Variants in SV2C observed in about 807,000 individuals in gnomAD.
The protein encoded by SV2C is solute carrier family 22 member B3.
A neutral mutation model predicts 79.7 loss-of-function variants in SV2C; 49 were observed. That is an observed-to-expected ratio of 0.61 (90% confidence interval 0.49 to 0.78). The LOEUF (loss-of-function observed/expected upper bound fraction) is 0.78. SV2C is among the 30% of genes least tolerant of loss of function. The pLI is 0.00. For synonymous variants in SV2C, 334 were observed against 333.2 expected, an observed-to-expected ratio of 1.00 and a Z score of -0.03; for missense variants, 833 against 912.9, an observed-to-expected ratio of 0.91 and a Z score of 1.13.
intron 12 of SV2C, among the ~76,000 whole-genome samples, chr5:76,351,891 CT>C (rs1749649286): frequency 1.3e-5 from 2 of 152,230 alleles, no homozygotes; most frequent in Non-Finnish European, 2.9e-5. Flanking sequence ...AGGGATTGTA[CT>C]TTACAGAGGA....
At chr5:75,976,348 T>C in the SV2C span, among the ~76,000 whole-genome samples, 6 of 152,194 alleles carry the variant, frequency 3.9e-5, no homozygotes. Flanking sequence ...GGAGATCATT[T>C]ATGGAGTACA....
rs900945362 is a variant in SV2C at position 76,333,459 on chromosome 5, A to G, written c.*7912A>G. On this transcript the variant is annotated 3_prime_UTR_variant, in exon 13 of 13. Transcript: ENST00000502798. The stretch of plus-strand genomic sequence containing the variant: ...ATGCTAAACGTACTATCCACTGTCT[A>G]TTTTAATGAGATCTTGGCAATGGTC... 2.6e-5 allele frequency: 4 copies of G among 152,134 alleles called. No homozygotes were observed. The highest frequency in any genetic ancestry group is 7.2e-5 in the African/African-American group (3 of 41,422). The allele number at this position is 152,134 out of a possible 1,614,324, so 9.4% of individuals were successfully genotyped here.
At chr5:76,039,648 C>T in the SV2C span, among the ~76,000 whole-genome samples, 1 of 151,050 alleles carries the variant, frequency 6.6e-6, no homozygotes, top group East Asian at 1.9e-4. Context: ...CCCAGCTACT[C>T]GAGAGGCAGG....
chr5:75,898,259 T>C, the SV2C span, among the ~76,000 whole-genome samples: 1 of 152,220 alleles, frequency 6.6e-6, no homozygotes, highest in Non-Finnish European at 1.5e-5. Flanking sequence ...ATCTATTTTA[T>C]TGAGAGCTTT....
chr5:76,308,962 A>AGTT (rs1748310492), intron 12 of SV2C, among the ~76,000 whole-genome samples: 1 of 152,186 alleles, frequency 6.6e-6, no homozygotes, highest in South Asian at 2.1e-4. Flanking sequence ...AGCAAACTTC[A>AGTT]GTTGTAATAT....
the SV2C span, among the ~76,000 whole-genome samples, chr5:75,947,767 A>G: frequency 6.6e-6 from 1 of 152,036 alleles, no homozygotes; most frequent in South Asian, 2.1e-4. Context: ...CCCCTTATTA[A>G]CATTTCTTTG....
chr5:76,188,220 C>T (rs1332336356), intron 2 of SV2C, among the ~76,000 whole-genome samples: 1 of 152,026 alleles, frequency 6.6e-6, no homozygotes, highest in African/African-American at 2.4e-5. Context: ...GAGATCATGC[C>T]CCTGCACTCT....
chr5:76,231,192 G>T (rs1051348942), intron 4 of SV2C, among the ~76,000 whole-genome samples: 1 of 152,152 alleles, frequency 6.6e-6, no homozygotes, highest in Non-Finnish European at 1.5e-5. Context: ...TTACCATTCT[G>T]TGCAATAGAT....
intron 4 of SV2C, among the ~76,000 whole-genome samples, chr5:76,261,483 A>T (rs1746466401): frequency 6.6e-6 from 1 of 152,172 alleles, no homozygotes; most frequent in South Asian, 2.1e-4. Flanking sequence ...TTCTATGTTG[A>T]ATAGGAGCGG....
At chr5:75,895,582 C>A in the SV2C span, among the ~76,000 whole-genome samples, 666 of 152,166 alleles carry the variant, frequency 4.4e-3, 1 homozygote, top group Middle Eastern at 0.01. Flanking sequence ...GATGGATAAC[C>A]TAGTAGACTT....
chr5:76,344,569 C>T (rs576098256), intron 12 of SV2C, among the ~76,000 whole-genome samples: 174 of 152,086 alleles, frequency 1.1e-3, no homozygotes, highest in African/African-American at 4.1e-3. Flanking sequence ...AATTGCTGGG[C>T]GTGGTGGTGC....
intron 4 of SV2C, among the ~76,000 whole-genome samples, chr5:76,245,008 G>A (rs923556931): frequency 1.3e-5 from 2 of 152,168 alleles, no homozygotes; most frequent in Admixed American, 6.5e-5. Context: ...TCTTTCTTTA[G>A]GACTCAATTT....
At chr5:76,227,670 T>C (rs1561273162) in intron 4 of SV2C, among the ~76,000 whole-genome samples, 2 of 152,240 alleles carry the variant, frequency 1.3e-5, no homozygotes, top group African/African-American at 2.4e-5. Context: ...AGTGTTTTGC[T>C]GACTTGAGTC....
At chr5:75,914,992 G>T in the SV2C span, among the ~76,000 whole-genome samples, 1 of 152,216 alleles carries the variant, frequency 6.6e-6, no homozygotes, top group Non-Finnish European at 1.5e-5. Flanking sequence ...AAAAGAGCTT[G>T]TGCAGGGAAA....
At chr5:75,892,413 T>G in the SV2C span, among the ~76,000 whole-genome samples, 1 of 152,014 alleles carries the variant, frequency 6.6e-6, no homozygotes, top group African/African-American at 2.4e-5. Flanking sequence ...AATATCAAAC[T>G]TACCCCTTCT....
At position 76,331,469 on chromosome 5, in the gene SV2C, T is replaced by TA. The variant is rs1216707098; in HGVS notation, c.*5926dup. The TA allele has an allele frequency of 6.6e-6, 1 of 152,278 alleles. No individual in the cohort carries two copies. Among genetic ancestry groups the TA allele is most frequent in the Non-Finnish European group, 1.5e-5 (1 of 68,102 alleles). The allele number at this position is 152,278 out of a possible 1,614,324, so 9.4% of individuals were successfully genotyped here. A position where few individuals can be genotyped will look rare whatever the true frequency, so the allele number is the denominator to read the frequency against. ...AGCAGGGGTATTTTGGGTTTCAGTT[T>TA]AAAACTGGTGCGTGTTGTTGCAAGT... is the stretch of plus-strand genomic sequence containing the variant. On this transcript the variant is annotated 3_prime_UTR_variant, in exon 13 of 13. Coordinates refer to ENST00000502798, the MANE Select transcript of SV2C (RefSeq NM_014979.4).
At chr5:76,300,993 T>G in intron 11 of SV2C, 61 bp downstream of exon 11, 4 of 1,568,524 alleles carry the variant, frequency 2.6e-6, no homozygotes, top group Non-Finnish European at 3.5e-6. Flanking sequence ...GGGACCCTGT[T>G]TCCCCCTGTA....
chr5:75,987,123 A>T, the SV2C span, among the ~76,000 whole-genome samples: 1 of 151,954 alleles, frequency 6.6e-6, no homozygotes, highest in Non-Finnish European at 1.5e-5. Context: ...AATGAAGCTC[A>T]CACTGCTCGC....
the SV2C span, among the ~76,000 whole-genome samples, chr5:75,958,366 A>G: frequency 6.6e-6 from 1 of 151,928 alleles, no homozygotes; most frequent in Non-Finnish European, 1.5e-5. Context: ...AACCCTCATC[A>G]CTAGTAATTT....
Sources: allele counts gnomAD v4.1 joint callset (sites outside exome capture counted in the v4.1 genomes callset), GRCh38; gene constraint gnomAD v4.1.1; transcripts MANE v1.5; gene names NCBI Gene and HGNC (gene_info 2026-07-23, HGNC 2026-07-21).